Variants in FMR1NB observed in about 807,000 individuals in gnomAD.
FMR1NB encodes the protein FMR1 neighbor, also known as FMR1 neighbor protein.
Under a neutral mutation model 16.8 loss-of-function variants are expected in FMR1NB, and 10 were observed. The observed-to-expected ratio is 0.60, with a 90% CI of 0.37 to 1.01. FMR1NB has a LOEUF of 1.01. Ranked by LOEUF, FMR1NB falls within the 50% of genes least tolerant of loss-of-function variation. The pLI is 0.01. For synonymous variants in FMR1NB, 83 were observed against 79.1 expected, an observed-to-expected ratio of 1.05 and a Z score of -0.26; for missense variants, 205 against 204.8, an observed-to-expected ratio of 1.00 and a Z score of 0.00.
chrX:148,005,750 A>G (rs1557189040), intron 2 of FMR1NB, among the ~76,000 whole-genome samples: 1 of 112,088 alleles, frequency 8.9e-6, no homozygotes, highest in Non-Finnish European at 1.9e-5. Context: ...GGTAGATATT[A>G]TTATTTTTAC....
In FMR1NB at chrX:147,981,633, G is replaced by T; in HGVS notation, c.231G>T (p.Trp77Cys). The change falls in exon 1 of 6, where the codon TGG (tryptophan) becomes TGT (cysteine). Residue 77 changes from tryptophan (W) to cysteine (C), a missense_variant. Transcript: ENST00000370467. ...KPFGMLMLSI[W>C]ILLFVCYYLS... is the part of the protein sequence containing the mutation. Reference sequence around the variant, plus strand: ...TTGGGATGCTCATGCTCTCCATTTGGATCCTGCTGTTCGTGTGCTACTACC... The same window carrying T: ...TTGGGATGCTCATGCTCTCCATTTGTATCCTGCTGTTCGTGTGCTACTACC... 8.3e-7 allele frequency: 1 copy of T among 1,206,074 alleles called. No individual in the cohort carries two copies. The highest frequency in any genetic ancestry group is 1.1e-6 in the Non-Finnish European group (1 of 893,090).
chrX:147,994,920 T>C (rs1031209973), intron 1 of FMR1NB, among the ~76,000 whole-genome samples: 27 of 112,361 alleles, frequency 2.4e-4, no homozygotes, highest in African/African-American at 8.4e-4. Context: ...CAAAAACAGT[T>C]GCAATTATAA....
intron 1 of FMR1NB, among the ~76,000 whole-genome samples, 158 bp downstream of exon 1, chrX:147,981,837 A>G (rs1557186578): frequency 9.0e-6 from 1 of 111,604 alleles, no homozygotes; most frequent in Non-Finnish European, 1.9e-5. Context: ...TATCCTCAGC[A>G]GTCCTTACAA....
At chrX:147,984,615 C>T (rs183824104) in intron 1 of FMR1NB, among the ~76,000 whole-genome samples, 44 of 111,668 alleles carry the variant, frequency 3.9e-4, no homozygotes, top group African/African-American at 1.3e-3. Context: ...ATTTTGTGGG[C>T]TTTTTGGATA....
intron 4 of FMR1NB, among the ~76,000 whole-genome samples, chrX:148,009,557 G>C (rs782494678): frequency 9.2e-6 from 1 of 108,150 alleles, no homozygotes; most frequent in Non-Finnish European, 1.9e-5. Flanking sequence ...GGACAGAGTG[G>C]GTATAGAGGT....
At chrX:147,994,251 G>C (rs782488408) in intron 1 of FMR1NB, among the ~76,000 whole-genome samples, 1 of 111,773 alleles carries the variant, frequency 8.9e-6, no homozygotes, top group Admixed American at 9.5e-5. Flanking sequence ...GGGAGGCAAA[G>C]ATTGGGCAGT....
rs373436804 is a variant in FMR1NB, at chrX:148,006,802, G to A, written c.498G>A (p.Ser166=). ...GACACAAATGCTGTTTTTCATCATC[G>A]GGGACCACGAGCTTCAAATGTTTTG... is the stretch of plus-strand genomic sequence containing the variant. ...CLRHKCCFSS[S]GTTSFKCFAP... Residue 166 remains serine, a synonymous_variant, in exon 3 of 6, where the codon TCG becomes TCA. Transcript: ENST00000370467. The A allele has an allele frequency of 2.6e-5, 31 of 1,208,599 alleles. No individual in the cohort carries two copies. The highest frequency in any genetic ancestry group is 3.6e-5 in the South Asian group (2 of 56,300).
chrX:148,014,738 G>A (rs1209003220), intron 4 of FMR1NB, among the ~76,000 whole-genome samples: 1 of 109,924 alleles, frequency 9.1e-6, no homozygotes, highest in Non-Finnish European at 1.9e-5. Context: ...TCGACTTCCC[G>A]GGCTCCGGCA....
At position 147,992,884 on chromosome X, in the gene FMR1NB, C is replaced by T. The variant is rs1389678333; in HGVS notation, c.278-10317C>T. Among the ~76,000 whole-genome samples the T allele has an allele frequency of 4.3e-4, 40 of 93,568 alleles. 1 individual carries two copies. The highest frequency in any genetic ancestry group is 1.9e-3 in the African/African-American group (40 of 21,427). 81.3% of individuals were successfully genotyped at this position (93,568 alleles called of 115,157 possible). A position where few individuals can be genotyped will look rare whatever the true frequency, so the allele number is the denominator to read the frequency against. ...GGCGGCTGGGAAGAGGCGCTCCTCA[C>T]TTCCTAGATGGGATGGCGGCCGGGC... On this transcript the variant is annotated intron_variant, in intron 1 of 5. Transcript: ENST00000370467.
At chrX:148,016,294 G>C (rs782691530) in intron 4 of FMR1NB, among the ~76,000 whole-genome samples, 7 of 110,853 alleles carry the variant, frequency 6.3e-5, no homozygotes, top group Non-Finnish European at 1.1e-4. Flanking sequence ...GTTTCCATTG[G>C]TATGGAATGT....
intron 1 of FMR1NB, among the ~76,000 whole-genome samples, chrX:147,982,097 T>G (rs1467010395): frequency 9.0e-6 from 1 of 111,182 alleles, no homozygotes; most frequent in Admixed American, 9.5e-5. Context: ...CAAACCAGCC[T>G]GGCCAACATG....
chrX:147,994,647 A>C (rs974593493), intron 1 of FMR1NB, among the ~76,000 whole-genome samples: 3 of 111,764 alleles, frequency 2.7e-5, no homozygotes, highest in African/African-American at 9.7e-5. Flanking sequence ...TTCTATTTCT[A>C]TTTTGAGTAG....
At chrX:147,994,322 T>C (rs1303529033) in intron 1 of FMR1NB, among the ~76,000 whole-genome samples, 1 of 112,514 alleles carries the variant, frequency 8.9e-6, no homozygotes, top group East Asian at 2.8e-4. Flanking sequence ...CATGGGTTTC[T>C]AGGTTTTTGT....
chrX:147,997,632 TC>T (rs2044548601), intron 1 of FMR1NB, among the ~76,000 whole-genome samples: 1 of 111,892 alleles, frequency 8.9e-6, no homozygotes, highest in South Asian at 3.7e-4. Context: ...CTAAAGAGCT[TC>T]TACTCAGTAA....
intron 1 of FMR1NB, among the ~76,000 whole-genome samples, chrX:147,997,815 A>G (rs2044549986): frequency 1.8e-5 from 2 of 112,112 alleles, no homozygotes; most frequent in South Asian, 3.7e-4. Context: ...ACACTTCTCA[A>G]AAGAAGACAT....
intron 4 of FMR1NB, among the ~76,000 whole-genome samples, chrX:148,024,132 T>G (rs141505305): frequency 0.032 from 3,643 of 112,147 alleles, 73 homozygotes; most frequent in African/African-American, 0.066. Context: ...CAAAGTGGTC[T>G]AATGGAAAAA....
chrX:147,984,648 T>C (rs1264751751), intron 1 of FMR1NB, among the ~76,000 whole-genome samples: 4 of 112,043 alleles, frequency 3.6e-5, no homozygotes, highest in African/African-American at 1.3e-4. Context: ...AATCATGTTA[T>C]CTGTAAATAG....
rs782613352 is a variant in FMR1NB at position 148,024,342 on chromosome X, G to A, written c.633-523G>A. 1.7e-4 allele frequency among the ~76,000 whole-genome samples: 19 copies of A among 111,952 alleles called. No homozygotes were observed. In the South Asian group the frequency reaches 6.7e-3, roughly 40 times the overall value. ...TATAAAGCACTTAGTGAAGTTCTTG[G>A]CATGTGGTAGCCTCTCAAGTGCCCC... On this transcript the variant is annotated intron_variant, in intron 4 of 5. Coordinates refer to ENST00000370467, the MANE Select transcript of FMR1NB (RefSeq NM_152578.3).
rs59900118 is a variant in FMR1NB at position 147,986,318 on chromosome X, G to T, written c.277+4639G>T. 8.5e-3 allele frequency among the ~76,000 whole-genome samples: 956 copies of T among 112,286 alleles called. 7 individuals carry two copies. The highest frequency in any genetic ancestry group is 0.028 in the African/African-American group (862 of 30,926). ...TCTTTTGCTGAGCAGAAGCTCTTTA[G>T]TTTAATTAGATCCCATTTGTCAATT... On this transcript the variant is annotated intron_variant, in intron 1 of 5. Coordinates refer to ENST00000370467, the MANE Select transcript of FMR1NB (RefSeq NM_152578.3).
Sources: allele counts gnomAD v4.1 joint callset (sites outside exome capture counted in the v4.1 genomes callset), GRCh38; gene constraint gnomAD v4.1.1; transcripts MANE v1.5; gene names NCBI Gene and HGNC (gene_info 2026-07-23, HGNC 2026-07-21).